NBAS: variants seen among roughly 807,000 people sequenced by gnomAD.
NBAS encodes NAG/BC035112 fusion.
NBAS carries 219 observed loss-of-function variants against 302.5 expected under a neutral mutation model. The ratio of observed to expected loss-of-function variants is 0.72; its 90% confidence interval spans 0.65 to 0.81. NBAS has a LOEUF of 0.81. Ranked by LOEUF, NBAS falls within the 30% of genes least tolerant of loss-of-function variation. The probability of loss-of-function intolerance (pLI) is 0.00; values close to 1 mark genes in which losing one functional copy is unlikely to be tolerated. For missense variants in NBAS, 2,932 were observed against 2,841.6 expected (o/e 1.03, Z -0.72); for synonymous variants, 1,118 against 1,021.6 (o/e 1.09, Z -1.80).
the NBAS span, among the ~76,000 whole-genome samples, chr2:15,045,629 T>C: frequency 5.3e-5 from 8 of 152,192 alleles, no homozygotes; most frequent in African/African-American, 1.9e-4. Flanking sequence ...AACACTTAGG[T>C]TGTTTCCATG....
intron 44 of NBAS, among the ~76,000 whole-genome samples, chr2:15,272,906 T>C (rs1413336492): frequency 6.6e-6 from 1 of 152,122 alleles, no homozygotes; most frequent in Non-Finnish European, 1.5e-5. Context: ...TGTGAATAAT[T>C]TAATGTGAAT....
At chr2:15,084,096 G>C in the NBAS span, among the ~76,000 whole-genome samples, 2 of 151,332 alleles carry the variant, frequency 1.3e-5, no homozygotes, top group Non-Finnish European at 2.9e-5. Context: ...CTGTTGCCCA[G>C]GCTGCAGTGT....
chr2:14,909,028 T>C, the NBAS span, among the ~76,000 whole-genome samples: 19 of 152,244 alleles, frequency 1.2e-4, no homozygotes, highest in African/African-American at 4.3e-4. Context: ...GATTCTAAAT[T>C]GTGGCTAGAA....
At chr2:15,255,947 C>A (rs1668571443) in intron 44 of NBAS, among the ~76,000 whole-genome samples, 1 of 152,046 alleles carries the variant, frequency 6.6e-6, no homozygotes, top group Admixed American at 6.6e-5. Flanking sequence ...GTTTTGGTAA[C>A]TATTAATATA....
the NBAS span, among the ~76,000 whole-genome samples, chr2:14,821,861 C>CAA: frequency 0.041 from 5,988 of 145,420 alleles, 154 homozygotes; most frequent in Non-Finnish European, 0.058. Context: ...AAATACAAAA[C>CAA]AAAAAAAAAA....
chr2:15,132,257 GAACT>G, the NBAS span, among the ~76,000 whole-genome samples: 1 of 152,100 alleles, frequency 6.6e-6, no homozygotes, highest in Non-Finnish European at 1.5e-5. Context: ...AAATAGAAAT[GAACT>G]ATCAAGCCAT....
chr2:15,559,062 C>CTAAAAAAAA (rs1553338482), intron 1 of NBAS, among the ~76,000 whole-genome samples: 6 of 50,402 alleles, frequency 1.2e-4, no homozygotes, highest in Admixed American at 3.6e-4. Flanking sequence ...GACCCTGCCT[C>CTAAAAAAAA]AAAAAAAAAA....
chr2:15,474,405 C>A (rs1223740705), intron 14 of NBAS, 81 bp from the exon 15 acceptor site: 2 of 1,351,924 alleles, frequency 1.5e-6, no homozygotes, highest in East Asian at 2.5e-5. Context: ...AAATATATTT[C>A]TAAATCTACT....
In NBAS at chr2:15,473,270, C is replaced by CCT; in HGVS notation, c.1675_1676dup (p.Gln560GlyfsTer17). On this transcript the variant is annotated frameshift_variant, in exon 16 of 52. Transcript: ENST00000281513. LOFTEE classifies it high-confidence loss of function. ...CGTTGACCGCTGACTTCCTCCACTG[C>CCT]CTCTGATATACAAGGTCAGTATCCA... 1 of 1,614,100 alleles carries CCT rather than the reference C, an allele frequency of 6.2e-7. No individual in the cohort carries two copies. Among genetic ancestry groups the CCT allele is most frequent in the Non-Finnish European group, 8.5e-7 (1 of 1,179,962 alleles).
At chr2:15,058,116 T>A in the NBAS span, among the ~76,000 whole-genome samples, 1 of 152,180 alleles carries the variant, frequency 6.6e-6, no homozygotes, top group Non-Finnish European at 1.5e-5. Flanking sequence ...GGAAAAGAAG[T>A]TATTATTCGA....
chr2:15,561,148 C>G lies in NBAS; in HGVS notation c.117+40G>C, dbSNP rs768927364. On this transcript the variant is annotated intron_variant, in intron 1 of 51. Coordinates refer to ENST00000281513, the MANE Select transcript of NBAS (RefSeq NM_015909.4). ...TACGTGGCTCTACCCACGAAGCGCC[C>G]GCGCCAAGCTGGCTGCTGCTGTAGA... The G allele has an allele frequency of 3.1e-6, 5 of 1,591,232 alleles. No homozygotes were observed. The Admixed American group carries it at 5.0e-5, about 16-fold the overall frequency.
the NBAS span, among the ~76,000 whole-genome samples, chr2:15,043,134 G>A: frequency 1.4e-4 from 22 of 152,180 alleles, no homozygotes; most frequent in Middle Eastern, 3.4e-3. Flanking sequence ...ACCCTTCCTC[G>A]CTTAGTCACT....
the NBAS span, among the ~76,000 whole-genome samples, chr2:15,041,926 C>A: frequency 1.3e-5 from 2 of 152,150 alleles, no homozygotes; most frequent in Non-Finnish European, 2.9e-5. Context: ...TGAGAGCACA[C>A]GTTCCCAAGT....
chr2:15,245,320 G>A (rs1320740836), intron 44 of NBAS, among the ~76,000 whole-genome samples: 1 of 151,896 alleles, frequency 6.6e-6, no homozygotes, highest in African/African-American at 2.4e-5. Context: ...GGCCCCCTCA[G>A]AGTCTTCACA....
At chr2:14,989,184 T>C in the NBAS span, among the ~76,000 whole-genome samples, 1 of 152,172 alleles carries the variant, frequency 6.6e-6, no homozygotes, top group Admixed American at 6.5e-5. Context: ...AAGATAACTC[T>C]ATAGTCATGT....
chr2:15,436,337 T>C (rs969244342), intron 21 of NBAS, among the ~76,000 whole-genome samples: 6 of 152,106 alleles, frequency 3.9e-5, no homozygotes, highest in Non-Finnish European at 8.8e-5. Flanking sequence ...CAGAGGAGGG[T>C]ACTTTATACT....
At chr2:15,314,766 C>T (rs1490269806) in intron 38 of NBAS, among the ~76,000 whole-genome samples, 6 of 152,194 alleles carry the variant, frequency 3.9e-5, no homozygotes, top group African/African-American at 1.4e-4. Context: ...CAACCATAAG[C>T]TGAAAGACCC....
intron 16 of NBAS, among the ~76,000 whole-genome samples, 189 bp from the exon 17 acceptor site, chr2:15,468,722 G>C (rs1250020768): frequency 6.6e-6 from 1 of 152,160 alleles, no homozygotes; most frequent in Non-Finnish European, 1.5e-5. Flanking sequence ...AACTGGATGC[G>C]GGGAGTGTGA....
At chr2:15,249,413 G>T (rs1668258507) in intron 44 of NBAS, among the ~76,000 whole-genome samples, 1 of 152,158 alleles carries the variant, frequency 6.6e-6, no homozygotes, top group Non-Finnish European at 1.5e-5. Context: ...ATAAGACAAG[G>T]ATGCCCTCTC....
Sources: gnomAD v4.1 joint callset for allele counts (sites outside exome capture counted in the v4.1 genomes callset) on GRCh38, gnomAD v4.1.1 for gene constraint, MANE v1.5 for transcripts, NCBI Gene and HGNC (gene_info 2026-07-23, HGNC 2026-07-21) for gene names.